Variants in CFAP65 observed in about 807,000 individuals in gnomAD.
CFAP65 encodes cilia and flagella associated protein 65.
A neutral mutation model predicts 208.0 loss-of-function variants in CFAP65; 155 were observed. That is an observed-to-expected ratio of 0.75 (90% CI 0.65 to 0.85). The LOEUF (loss-of-function observed/expected upper bound fraction) is 0.85, where lower values mean the gene tolerates loss of function less well. Among genes scored for constraint, CFAP65 ranks in the 40% least tolerant of loss-of-function variants. The pLI, the probability that CFAP65 is intolerant of heterozygous loss-of-function variation, is 0.00. For missense variants in CFAP65, 2,294 were observed against 2,451.3 expected (o/e 0.94, Z 1.36); for synonymous variants, 970 against 986.3 (o/e 0.98, Z 0.31).
At chr2:219,024,365 C>A in intron 14 of CFAP65, 105 bp from the exon 15 acceptor site, 1 of 1,408,682 alleles carries the variant, frequency 7.1e-7, no homozygotes, top group Non-Finnish European at 9.6e-7. Flanking sequence ...CCAAGTAGAT[C>A]AGAGGTGCTG....
chr2:219,022,368 A>C, intron 16 of CFAP65, 39 bp from the exon 17 acceptor site: 1 of 1,566,184 alleles, frequency 6.4e-7, no homozygotes, highest in Non-Finnish European at 8.7e-7. Flanking sequence ...GGCCTTCGGA[A>C]GCCCCTCCAC....
At chr2:219,033,615 T>C (rs1425143245) in intron 5 of CFAP65, 1 of 152,190 alleles carries the variant, frequency 6.6e-6, no homozygotes, top group Non-Finnish European at 1.5e-5. Flanking sequence ...AAAGCAGGAA[T>C]AGAAGAATAT....
At chr2:219,008,074 C>T (rs747229466) in intron 29 of CFAP65, among the ~76,000 whole-genome samples, 6 of 152,186 alleles carry the variant, frequency 3.9e-5, no homozygotes, top group Non-Finnish European at 8.8e-5. Context: ...CCGCCTTGGC[C>T]TCCCAAAGTG....
intron 4 of CFAP65, 56 bp from the exon 5 acceptor site, chr2:219,035,720 T>C: frequency 6.5e-7 from 1 of 1,544,698 alleles, no homozygotes; most frequent in Non-Finnish European, 8.7e-7. Context: ...CAGGGTGGGA[T>C]GCCAAGACCC....
At chr2:219,035,190 TA>T in intron 5 of CFAP65, 1 of 815,038 alleles carries the variant, frequency 1.2e-6, no homozygotes, top group Non-Finnish European at 1.9e-6. Context: ...TGTACTTATG[TA>T]ACTGGACACA....
chr2:219,026,329 C>T (rs1372225493), intron 13 of CFAP65, among the ~76,000 whole-genome samples, 170 bp from the exon 14 acceptor site: 1 of 152,196 alleles, frequency 6.6e-6, no homozygotes, highest in East Asian at 1.9e-4. Context: ...CCCAGCCCCT[C>T]CTGCGGGGAG....
At chr2:219,038,630 G>C (rs1001254763) in intron 3 of CFAP65, 52 bp from the exon 4 acceptor site, 2 of 1,495,940 alleles carry the variant, frequency 1.3e-6, no homozygotes, top group Admixed American at 1.8e-5. Context: ...AGAAAGAGAG[G>C]CTGAGGGAGG....
At chr2:219,008,823 G>C (rs1946217802) in intron 29 of CFAP65, among the ~76,000 whole-genome samples, 1 of 152,234 alleles carries the variant, frequency 6.6e-6, no homozygotes, top group South Asian at 2.1e-4. Context: ...CTCATTAAAT[G>C]CTGGCTACAC....
chr2:219,035,114 A>C (rs1415451456), intron 5 of CFAP65: 1 of 473,128 alleles, frequency 2.1e-6, no homozygotes, highest in South Asian at 3.9e-5. Context: ...AAAAAAAAAA[A>C]AACCTTCATA....
In CFAP65 at chr2:219,013,988, G is replaced by A. The variant is rs1361556624; in HGVS notation, c.3659C>T (p.Ala1220Val). 1 of 1,613,740 alleles carries A rather than the reference G, an allele frequency of 6.2e-7. No individual in the cohort carries two copies. ...RIDVELWAEQ[A>V]ELNSTELHQM... ...GTGGAGCTCAGTGGAATTCAACTCT[G>A]CTTGCTCTGCCCAGAGCTCCACGTC... The change falls in exon 22 of 35, where the codon GCA becomes GTA. Residue 1220 changes from alanine to valine, a missense_variant. Physicochemically the swap from Ala to Val is moderately conservative, Grantham distance 64. Around this residue, in one of 2 missense-constraint regions of CFAP65, gnomAD observed 1,427 missense variants for 1,438.7 expected, o/e 0.99. Transcript: ENST00000341552.
chr2:219,005,486 C>T lies in CFAP65; in HGVS notation c.4999G>A (p.Val1667Ile). The change falls in exon 32 of 35, where the codon GTT (valine) becomes ATT (isoleucine). Residue 1667 changes from valine (V) to isoleucine (I), a missense_variant. Val to Ile is a conservative substitution (Grantham distance 29). Around this residue, in one of 2 missense-constraint regions of CFAP65, gnomAD observed 1,427 missense variants for 1,438.7 expected, o/e 0.99. Coordinates refer to ENST00000341552, the MANE Select transcript of CFAP65 (RefSeq NM_194302.4). Reference sequence around the variant, plus strand: ...AGGAGCTGCTTCTTCTGCTTGGAAACAGGGCCCCACTTGTTAGGGGATTTT... The same window carrying T: ...AGGAGCTGCTTCTTCTGCTTGGAAATAGGGCCCCACTTGTTAGGGGATTTT... ...EEKSPNKWGP[V>I]SKQKKQLLVD... 6.2e-7 allele frequency: 1 copy of T among 1,613,728 alleles called. No individual in the cohort carries two copies. Among genetic ancestry groups the T allele is most frequent in the Non-Finnish European group, 8.5e-7 (1 of 1,179,980 alleles).
rs534490959 is a variant in CFAP65 at position 219,009,859 on chromosome 2, G to T, written c.4452+83C>A. 213 of 1,297,122 alleles carry T rather than the reference G, an allele frequency of 1.6e-4. 2 individuals are homozygous for T. The South Asian group carries it at 3.3e-3, about 20-fold the overall frequency. The allele number at this position is 1,297,122 out of a possible 1,614,324, so 80.4% of individuals were successfully genotyped here. Reference sequence around the variant, plus strand: ...GGTTTGTGGGGTGGGATGGGATGGAGTGGGGTGGTATGGGATGGGGTCAGG... The same window carrying T: ...GGTTTGTGGGGTGGGATGGGATGGATTGGGGTGGTATGGGATGGGGTCAGG... On this transcript the variant is annotated intron_variant, in intron 27 of 34. Coordinates refer to ENST00000341552, the MANE Select transcript of CFAP65 (RefSeq NM_194302.4).
At position 219,023,298 on chromosome 2, in the gene CFAP65, G is replaced by A. The variant is rs1169382032; in HGVS notation, c.2729C>T (p.Pro910Leu). 1.2e-6 allele frequency: 2 copies of A among 1,613,370 alleles called. No homozygotes were observed. Reference sequence around the variant, plus strand: ...AGAGACCCTCCACTCGAACTGCAGGGGCAGACGCGAGGGGTTGCGGAAGGT... The same window carrying A: ...AGAGACCCTCCACTCGAACTGCAGGAGCAGACGCGAGGGGTTGCGGAAGGT... ...PFTFRNPSRL[P>L]LQFEWRVSEQ... The change falls in exon 16 of 35, where the codon CCC becomes CTC. Residue 910 changes from proline (P) to leucine (L), a missense_variant. Physicochemically the swap from Pro to Leu is moderately conservative, Grantham distance 98 (BLOSUM62 -3). Transcript: ENST00000341552.
chr2:219,009,661 T>G, intron 27 of CFAP65, among the ~76,000 whole-genome samples: 1 of 71,952 alleles, frequency 1.4e-5, no homozygotes, highest in Admixed American at 1.3e-4. Flanking sequence ...TGGGATAGGA[T>G]GGGGTGGGAT....
intron 18 of CFAP65, 133 bp downstream of exon 18, chr2:219,021,647 G>A: frequency 9.8e-7 from 1 of 1,020,962 alleles, no homozygotes; most frequent in Non-Finnish European, 1.4e-6. Flanking sequence ...CTGGGCTCAA[G>A]CAATACTCCC....
At chr2:219,005,964 A>G (rs1945941196) in intron 31 of CFAP65, 57 bp downstream of exon 31, 1 of 1,544,570 alleles carries the variant, frequency 6.5e-7, no homozygotes, top group Non-Finnish European at 8.9e-7. Flanking sequence ...CCTGCTCTGG[A>G]GTGGAAGAGG....
In CFAP65 at chr2:219,010,031, T is replaced by C. The variant is rs947620550; in HGVS notation, c.4363A>G (p.Lys1455Glu). ...TTGAGGAAGAGCAGGCGGCTGCACT[T>C]GCTCTGCACAGGTATGTTTCCCAGG... ...ISLGNIPVQS[K>E]CSRLLFLNNI... is the part of the protein sequence containing the mutation. The change falls in exon 27 of 35, where the codon AAG (lysine) becomes GAG (glutamate). Residue 1455 changes from lysine to glutamate, a missense_variant. By Grantham distance (56) the Lys-to-Glu change is moderately conservative. Transcript: ENST00000341552. The C allele has an allele frequency of 6.2e-7, 1 of 1,612,356 alleles. No individual in the cohort carries two copies. Among genetic ancestry groups the C allele is most frequent in the African/African-American group, 1.3e-5 (1 of 74,874 alleles).
At position 219,009,480 on chromosome 2, in the gene CFAP65, G is replaced by A. The variant is rs770485670; in HGVS notation, c.4453-20C>T. On this transcript the variant is annotated intron_variant, in intron 27 of 34. Transcript: ENST00000341552. ...AGACACCTGTTGATTTGGGGAAGGA[G>A]TCTCTGGAGATTCACAGGGATGGAA... 4 of 1,539,758 alleles carry A rather than the reference G, an allele frequency of 2.6e-6. No homozygotes were observed. In the Admixed American group the frequency reaches 5.0e-5, roughly 19 times the overall value.
chr2:219,021,819 C>G lies in CFAP65; in HGVS notation c.3091G>C (p.Glu1031Gln), dbSNP rs368826444. ...TCAACGGCCTCAGGGCTGCCCTGCT[C>G]CAGGTAGAGGCGGTAATAGAGGGTG... ...NCTLYYRLYL[E>Q]QGSPEAVDNH... The change falls in exon 18 of 35, where the codon GAG becomes CAG. Residue 1031 changes from glutamate (E) to glutamine (Q), a missense_variant. Coordinates refer to ENST00000341552, the MANE Select transcript of CFAP65 (RefSeq NM_194302.4). The G allele has an allele frequency of 1.2e-6, 2 of 1,613,684 alleles. No individual in the cohort carries two copies. The highest frequency in any genetic ancestry group is 2.7e-5 in the African/African-American group (2 of 74,922).
Sources: allele counts gnomAD v4.1 joint callset (sites outside exome capture counted in the v4.1 genomes callset), GRCh38; gene constraint gnomAD v4.1.1; regional missense constraint gnomAD v4.1.1; transcripts MANE v1.5; gene names NCBI Gene and HGNC (gene_info 2026-07-23, HGNC 2026-07-21).